Variants in CLIP1 observed in about 807,000 individuals in gnomAD.
CLIP1 encodes CAP-Gly domain containing linker protein 1.
Under a neutral mutation model 161.6 loss-of-function variants are expected in CLIP1, and 66 were observed. The ratio of observed to expected loss-of-function variants is 0.41; its 90% CI spans 0.33 to 0.50. The LOEUF is 0.50. Among genes scored for constraint, CLIP1 ranks in the 20% least tolerant of loss-of-function variants. The pLI is 0.27. For synonymous variants in CLIP1, 598 were observed against 626.2 expected, an observed-to-expected ratio of 0.96 and a Z score of 0.67; for missense variants, 1,376 against 1,702.0, an observed-to-expected ratio of 0.81 and a Z score of 3.37.
At chr12:122,313,201 G>C (rs1951128435) in intron 19 of CLIP1, among the ~76,000 whole-genome samples, 2 of 152,138 alleles carry the variant, frequency 1.3e-5, no homozygotes, top group African/African-American at 4.8e-5. Flanking sequence ...GATTCCCTCA[G>C]GTCTGTTGGG....
chr12:122,315,063 C>T (rs926760233), intron 19 of CLIP1, among the ~76,000 whole-genome samples: 2 of 152,224 alleles, frequency 1.3e-5, no homozygotes, highest in Non-Finnish European at 2.9e-5. Flanking sequence ...TGCATCCCCT[C>T]GCAGGAGCAG....
Position 122,274,182 on chromosome 12 carries a change from ATGTG to A in CLIP1, c.3967-24_3967-21del. 1 of 1,553,480 alleles carries A rather than the reference ATGTG, an allele frequency of 6.4e-7. No individual in the cohort carries two copies. The highest frequency in any genetic ancestry group is 8.9e-7 in the Non-Finnish European group (1 of 1,126,846). On this transcript the variant is annotated intron_variant, in intron 24 of 25. Coordinates refer to ENST00000620786, the MANE Select transcript of CLIP1 (RefSeq NM_001247997.2). ...ATCAATCTGATTTGTTAAAAAAAAA[ATGTG>A]TAAAATGTCAAGAATATATATAAGC...
In CLIP1 at chr12:122,351,138, CTT is replaced by C. The variant is rs1235387303; in HGVS notation, c.1372_1373del (p.Lys458GlufsTer5). The C allele has an allele frequency of 6.7e-7, 1 of 1,501,692 alleles. No homozygotes were observed. The allele number at this position is 1,501,692 out of a possible 1,614,324, so 93.0% of individuals were successfully genotyped here. A position where few individuals can be genotyped will look rare whatever the true frequency, so the allele number is the denominator to read the frequency against. On this transcript the variant is annotated frameshift_variant, in exon 9 of 26. Transcript: ENST00000620786. LOFTEE classifies it high-confidence loss of function. ...TCTCAGGATCTTCAGAAATCTGGCTCTTTTGCTATCAGTAAAAAAATAAAAAA... is the reference window on the plus strand; with the variant it reads ...TCTCAGGATCTTCAGAAATCTGGCTCTTGCTATCAGTAAAAAAATAAAAAA... ...ESITKGDLEQ[K>X]SQISEDPENT...
At chr12:122,357,598 G>A (rs1412303806) in intron 5 of CLIP1, among the ~76,000 whole-genome samples, 42 of 145,848 alleles carry the variant, frequency 2.9e-4, no homozygotes, top group Non-Finnish European at 5.9e-4. Context: ...CGCCCCGTCC[G>A]GAAGGTGAGG....
rs538247643 is a variant in CLIP1, at chr12:122,282,174, G to T, written c.3648-3029C>A. ...ATTTATACACCAAATGACAGGATAA[G>T]TAGACTCTGGCAGCTCATCTTTGTG... On this transcript the variant is annotated intron_variant, in intron 21 of 25. Coordinates refer to ENST00000620786, the MANE Select transcript of CLIP1 (RefSeq NM_001247997.2). Among the ~76,000 whole-genome samples, 8 of 152,324 alleles carry T rather than the reference G, an allele frequency of 5.3e-5. No individual in the cohort carries two copies. The South Asian group carries it at 1.7e-3, about 32-fold the overall frequency.
intron 1 of CLIP1, among the ~76,000 whole-genome samples, chr12:122,385,272 T>C (rs1036479252): frequency 2.0e-5 from 3 of 151,926 alleles, no homozygotes; most frequent in Admixed American, 6.6e-5. Flanking sequence ...GTCACTAAAA[T>C]GGGACAGGAC....
chr12:122,341,412 G>A lies in CLIP1; in HGVS notation c.1792C>T (p.Leu598Phe), dbSNP rs566290230. Reference sequence around the variant, plus strand: ...TTCAATGACTCGTTCTCTTTGGAAAGCTTTTCCGTGGCGGTATACAGAGCC... The same window carrying A: ...TTCAATGACTCGTTCTCTTTGGAAAACTTTTCCGTGGCGGTATACAGAGCC... ...IKALYTATEK[L>F]SKENESLKSK... Residue 598 changes from leucine (L) to phenylalanine (F), a missense_variant, in exon 11 of 26, where the codon CTT becomes TTT. Leu to Phe is a conservative substitution (Grantham distance 22). Transcript: ENST00000620786. 1 of 1,614,120 alleles carries A rather than the reference G, an allele frequency of 6.2e-7. No individual in the cohort carries two copies. The highest frequency in any genetic ancestry group is 2.2e-5 in the East Asian group (1 of 44,886).
intron 24 of CLIP1, chr12:122,276,452 G>T (rs1488725369): frequency 7.8e-7 from 1 of 1,287,944 alleles, no homozygotes; most frequent in South Asian, 1.2e-5. Context: ...TTGCTGATTG[G>T]AAGAAAAGTG....
chr12:122,394,488 C>CAAAAAAAA, intron 1 of CLIP1, among the ~76,000 whole-genome samples: 1 of 57,994 alleles, frequency 1.7e-5, no homozygotes, highest in Admixed American at 2.7e-4. Context: ...GACGCTGTCT[C>CAAAAAAAA]AAAAAAAAAA....
chr12:122,286,120 G>A (rs751287358), intron 21 of CLIP1, among the ~76,000 whole-genome samples: 48 of 152,122 alleles, frequency 3.2e-4, no homozygotes, highest in Non-Finnish European at 3.2e-4. Flanking sequence ...TTAGTATTCT[G>A]CAGCAACTGC....
At chr12:122,370,495 G>A (rs984535531) in intron 3 of CLIP1, among the ~76,000 whole-genome samples, 1 of 152,026 alleles carries the variant, frequency 6.6e-6, no homozygotes, top group Non-Finnish European at 1.5e-5. Flanking sequence ...ATTTTCTCTA[G>A]GCTAAATAAA....
chr12:122,384,599 T>G (rs1484213874), intron 1 of CLIP1, among the ~76,000 whole-genome samples: 1 of 151,782 alleles, frequency 6.6e-6, no homozygotes, highest in African/African-American at 2.4e-5. Flanking sequence ...CCGCCTCTAC[T>G]AAAAATAAAA....
intron 19 of CLIP1, 151 bp downstream of exon 19, chr12:122,316,598 T>A (rs372188241): frequency 1.9e-6 from 1 of 521,082 alleles, no homozygotes; most frequent in African/African-American, 2.0e-5. Context: ...GACCTCACGG[T>A]GGTTACTGAT....
Position 122,355,158 on chromosome 12 carries a change from T to C in CLIP1, c.1160A>G (p.Glu387Gly). The C allele has an allele frequency of 6.2e-7, 1 of 1,614,136 alleles. No individual in the cohort carries two copies. The highest frequency in any genetic ancestry group is 8.5e-7 in the Non-Finnish European group (1 of 1,180,002). The change falls in exon 6 of 26, where the codon GAG (glutamate) becomes GGG (glycine). Residue 387 changes from glutamate (E) to glycine (G), a missense_variant. Physicochemically the swap from Glu to Gly is moderately conservative, Grantham distance 98 (BLOSUM62 -2). Around this residue, in one of 6 missense-constraint regions of CLIP1, gnomAD observed 211 missense variants for 295.1 expected, o/e 0.72. Transcript: ENST00000620786. This position sits in a 1 kb window ranked among gnomAD's most constrained non-coding sequence, Gnocchi z 4.1. The part of the protein sequence containing the change: ...EVAKATSHVG[E>G]IEQELALARD... ...GGCCAGAGCTAGCTCCTGCTCTATC[T>C]CCCCCACGTGGCTCGTGGCCTTGGC... is the stretch of plus-strand genomic sequence containing the variant.
At chr12:122,339,128 G>T (rs552557410) in intron 11 of CLIP1, among the ~76,000 whole-genome samples, 27 of 152,188 alleles carry the variant, frequency 1.8e-4, no homozygotes, top group African/African-American at 6.0e-4. Flanking sequence ...AACAAGGCTA[G>T]TTAGTAAGGA....
At position 122,380,463 on chromosome 12, in the gene CLIP1, T is replaced by G. The variant is rs746214391; in HGVS notation, c.-11A>C. The G allele has an allele frequency of 1.3e-6, 2 of 1,585,194 alleles. No homozygotes were observed. Among genetic ancestry groups the G allele is most frequent in the Non-Finnish European group, 1.7e-6 (2 of 1,155,732 alleles). On this transcript the variant is annotated 5_prime_UTR_variant, in exon 2 of 26. Coordinates refer to ENST00000620786, the MANE Select transcript of CLIP1 (RefSeq NM_001247997.2). ...CTTTAGCATACTCATTTTCTTTGTA[T>G]GTCAGAGCTGTTTCTCCTTTGCCTG...
intron 18 of CLIP1, 23 bp from the exon 19 acceptor site, chr12:122,316,878 C>G: frequency 7.5e-7 from 1 of 1,341,458 alleles, no homozygotes. Context: ...GAGAAAAAAA[C>G]TTGATGAAAT....
At chr12:122,394,113 G>A (rs1373935461) in intron 1 of CLIP1, among the ~76,000 whole-genome samples, 1 of 151,962 alleles carries the variant, frequency 6.6e-6, no homozygotes, top group Non-Finnish European at 1.5e-5. Flanking sequence ...TTATTTGGGA[G>A]GTGGTGCATC....
chr12:122,288,485 T>C lies in CLIP1; in HGVS notation c.3647+4A>G. 1 of 1,606,066 alleles carries C rather than the reference T, an allele frequency of 6.2e-7. No homozygotes were observed. Among genetic ancestry groups the C allele is most frequent in the South Asian group, 1.1e-5 (1 of 90,898 alleles). On this transcript the variant is annotated splice_donor_region_variant and intron_variant, in intron 21 of 25. Transcript: ENST00000620786. ...ACACATACAACAATAAACAGAAAGCTTACCTTTTTTTCATTTCTAACAACT... is the reference window on the plus strand; with the variant it reads ...ACACATACAACAATAAACAGAAAGCCTACCTTTTTTTCATTTCTAACAACT...
Sources: allele counts gnomAD v4.1 joint callset (sites outside exome capture counted in the v4.1 genomes callset), GRCh38; gene constraint gnomAD v4.1.1; regional missense constraint gnomAD v4.1.1; non-coding constraint Gnocchi (gnomAD v3.1); transcripts MANE v1.5; gene names NCBI Gene and HGNC (gene_info 2026-07-23, HGNC 2026-07-21).